The following NBDY variants were observed in gnomAD, a reference collection of about 807,000 sequenced individuals.
NBDY encodes the protein P-body dissociating protein.
chrX:56,739,281 T>TATATATATATATGTATGTATATATATATA (rs2069518746), intron 2 of NBDY, among the ~76,000 whole-genome samples: 1 of 65,735 alleles, frequency 1.5e-5, no homozygotes, highest in Non-Finnish European at 2.6e-5. Context: ...TATATATATA[T>TATATATATATATGTATGTATATATATATA]TTTTATATAT....
chrX:56,729,293 A>G lies in NBDY; in HGVS notation c.-61A>G. The G allele has an allele frequency of 3.4e-6, 1 of 296,493 alleles. No individual in the cohort carries two copies. Among genetic ancestry groups the G allele is most frequent in the Non-Finnish European group, 5.9e-6 (1 of 169,795 alleles). 24.4% of individuals were successfully genotyped at this position (296,493 alleles called of 1,213,427 possible). A position where few individuals can be genotyped will look rare whatever the true frequency, so the allele number is the denominator to read the frequency against. On this transcript the variant is annotated 5_prime_UTR_variant, in exon 1 of 3. Transcript: ENST00000374922. ...CCTGGAGGGGACTCGCCGCCATCTC[A>G]GGTCTCTTGGCTTTGCCAGGGCCCA... is the stretch of plus-strand genomic sequence containing the variant.
At chrX:56,783,289 G>A (rs72621718) in intron 2 of NBDY, among the ~76,000 whole-genome samples, 2 of 112,955 alleles carry the variant, frequency 1.8e-5, no homozygotes, top group East Asian at 2.8e-4. Context: ...AGAAACTGCC[G>A]GGCATGAGTC....
chrX:56,810,419 C>T lies in NBDY; in HGVS notation c.*167-6901C>T, dbSNP rs144311563. ...GTAGTTTTGGTCTTTCCACATAGTC[C>T]CATATTTCTTGGAGGTTTTGCTCAT... is the stretch of plus-strand genomic sequence containing the variant. On this transcript the variant is annotated intron_variant, in intron 2 of 2. Coordinates refer to ENST00000374922, the MANE Select transcript of NBDY (RefSeq NM_001348129.2). Among the ~76,000 whole-genome samples, 775 of 110,654 alleles carry T rather than the reference C, an allele frequency of 7.0e-3. 32 individuals carry two copies. The highest frequency in any genetic ancestry group is 0.068 in the Admixed American group (703 of 10,344).
At chrX:56,800,532 G>A (rs752987090) in intron 2 of NBDY, among the ~76,000 whole-genome samples, 5 of 111,512 alleles carry the variant, frequency 4.5e-5, no homozygotes, top group Non-Finnish European at 9.4e-5. Flanking sequence ...TGGCCTAAGG[G>A]TCTGATGCTT....
intron 2 of NBDY, among the ~76,000 whole-genome samples, chrX:56,804,376 G>A (rs960885808): frequency 7.1e-5 from 8 of 112,004 alleles, no homozygotes; most frequent in Non-Finnish European, 1.5e-4. Flanking sequence ...TGGAGCCCAG[G>A]CACTCATCCA....
At chrX:56,756,703 T>A (rs2069613021) in intron 2 of NBDY, among the ~76,000 whole-genome samples, 2 of 112,020 alleles carry the variant, frequency 1.8e-5, no homozygotes, top group South Asian at 7.4e-4. Context: ...AGTTGCTCAC[T>A]CCTGTAATCT....
chrX:56,781,932 G>A (rs1195454207), intron 2 of NBDY, among the ~76,000 whole-genome samples: 1 of 111,255 alleles, frequency 9.0e-6, no homozygotes, highest in Non-Finnish European at 1.9e-5. Context: ...TAGACTTTGG[G>A]CTTGGTGGCC....
chrX:56,797,146 C>T (rs1456951464), intron 2 of NBDY, among the ~76,000 whole-genome samples: 2 of 103,564 alleles, frequency 1.9e-5, no homozygotes, highest in Admixed American at 2.1e-4. Flanking sequence ...CTCTTCTTCC[C>T]CTTCCCTCCT....
intron 2 of NBDY, among the ~76,000 whole-genome samples, chrX:56,762,812 C>G (rs1340705703): frequency 1.8e-5 from 2 of 111,114 alleles, no homozygotes; most frequent in Non-Finnish European, 3.8e-5. Flanking sequence ...GACACAGATA[C>G]ACATACACAC....
intron 1 of NBDY, among the ~76,000 whole-genome samples, chrX:56,730,465 C>G (rs893364749): frequency 6.8e-5 from 6 of 88,003 alleles, no homozygotes; most frequent in African/African-American, 2.5e-4. Flanking sequence ...GAGCCGAGAT[C>G]GCGCCATTGC....
chrX:56,754,165 G>A (rs898934438), intron 2 of NBDY, among the ~76,000 whole-genome samples: 3 of 111,643 alleles, frequency 2.7e-5, no homozygotes, highest in Non-Finnish European at 5.7e-5. Flanking sequence ...GGGATCCAGA[G>A]CAGAGGTGGA....
chrX:56,813,137 T>C (rs2069895379), intron 2 of NBDY, among the ~76,000 whole-genome samples: 1 of 111,299 alleles, frequency 9.0e-6, no homozygotes, highest in African/African-American at 3.3e-5. Flanking sequence ...TGTATACATA[T>C]GTAACAAACC....
intron 2 of NBDY, among the ~76,000 whole-genome samples, chrX:56,758,862 C>T (rs1418487409): frequency 1.8e-5 from 2 of 111,547 alleles, no homozygotes; most frequent in African/African-American, 3.3e-5. Flanking sequence ...ATGAATGAGA[C>T]GGTGGAGGAC....
intron 2 of NBDY, among the ~76,000 whole-genome samples, chrX:56,781,848 C>G (rs2069693652): frequency 8.9e-6 from 1 of 111,874 alleles, no homozygotes; most frequent in African/African-American, 3.3e-5. Flanking sequence ...CTGATTACCT[C>G]TTTTCCCTGG....
chrX:56,814,323 C>CT (rs1160721806), intron 2 of NBDY, among the ~76,000 whole-genome samples: 2 of 104,528 alleles, frequency 1.9e-5, no homozygotes, highest in Non-Finnish European at 3.9e-5. Flanking sequence ...TACTCTGTAA[C>CT]TTTTTTTTTT....
At chrX:56,763,785 T>TG (rs2069650713) in intron 2 of NBDY, among the ~76,000 whole-genome samples, 1 of 112,683 alleles carries the variant, frequency 8.9e-6, no homozygotes, top group South Asian at 3.7e-4. Context: ...GTGATCAATC[T>TG]GGGACCAGGT....
intron 2 of NBDY, among the ~76,000 whole-genome samples, chrX:56,761,521 A>G (rs1017540301): frequency 5.3e-5 from 6 of 113,450 alleles, no homozygotes; most frequent in Non-Finnish European, 7.5e-5. Context: ...AAGCCACAGA[A>G]GGTCACTCGG....
intron 1 of NBDY, among the ~76,000 whole-genome samples, chrX:56,731,268 C>G (rs775809626): frequency 1.4e-4 from 15 of 109,941 alleles, no homozygotes; most frequent in African/African-American, 5.0e-4. Context: ...AGATAGAAAA[C>G]AAAAGAGCAG....
intron 2 of NBDY, among the ~76,000 whole-genome samples, chrX:56,761,593 G>A (rs1342126025): frequency 1.8e-5 from 2 of 113,250 alleles, no homozygotes; most frequent in Non-Finnish European, 3.7e-5. Context: ...CATTGCTCAC[G>A]TTGATTCTTA....
Sources: gnomAD v4.1 joint callset for allele counts (sites outside exome capture counted in the v4.1 genomes callset) on GRCh38, gnomAD v4.1.1 for gene constraint, MANE v1.5 for transcripts, NCBI Gene and HGNC (gene_info 2026-07-23, HGNC 2026-07-21) for gene names.